WASF2: variants seen among roughly 807,000 people sequenced by gnomAD.
The protein encoded by WASF2 is actin-binding protein WASF2.
A neutral mutation model predicts 45.0 loss-of-function variants in WASF2; 14 were observed. The observed-to-expected ratio is 0.31, with a 90% CI of 0.21 to 0.49. The LOEUF is 0.49. WASF2 is among the 20% of genes least tolerant of loss of function. The pLI, the probability that WASF2 is intolerant of heterozygous loss-of-function variation, is 0.99. For missense variants in WASF2, 439 were observed against 636.1 expected, an observed-to-expected ratio of 0.69 and a Z score of 3.33; for synonymous variants, 200 against 236.3, an observed-to-expected ratio of 0.85 and a Z score of 1.41.
intron 1 of WASF2, among the ~76,000 whole-genome samples, chr1:27,466,118 A>G (rs2017608229): frequency 6.6e-6 from 1 of 152,240 alleles, no homozygotes; most frequent in African/African-American, 2.4e-5. Flanking sequence ...ATTATTTTGA[A>G]AACTAGTAAA....
At chr1:27,446,640 G>T (rs1454125037) in intron 1 of WASF2, among the ~76,000 whole-genome samples, 1 of 152,034 alleles carries the variant, frequency 6.6e-6, no homozygotes, top group Non-Finnish European at 1.5e-5. Context: ...AATTAGCCAG[G>T]CGTGGTGGTG....
At chr1:27,435,222 G>A (rs1174037105) in intron 1 of WASF2, among the ~76,000 whole-genome samples, 4 of 152,020 alleles carry the variant, frequency 2.6e-5, no homozygotes, top group South Asian at 2.1e-4. Flanking sequence ...TTGGGATTAC[G>A]GGCGTGAGCC....
At chr1:27,471,584 C>T (rs1288337681) in intron 1 of WASF2, among the ~76,000 whole-genome samples, 2 of 152,010 alleles carry the variant, frequency 1.3e-5, no homozygotes, top group African/African-American at 2.4e-5. Context: ...GCCGAGATGG[C>T]GCCACTGTAC....
intron 2 of WASF2, among the ~76,000 whole-genome samples, chr1:27,424,551 A>G (rs2016951258): frequency 6.6e-6 from 1 of 150,664 alleles, no homozygotes; most frequent in Non-Finnish European, 1.5e-5. Context: ...TTGGTTGCCC[A>G]GGCTGGAGTG....
intron 1 of WASF2, among the ~76,000 whole-genome samples, chr1:27,454,159 A>G (rs1180663245): frequency 6.5e-5 from 6 of 92,450 alleles, no homozygotes; most frequent in African/African-American, 9.5e-5. Context: ...GTGTGTATAT[A>G]TATATATATA....
chr1:27,442,745 A>G (rs2504775), intron 1 of WASF2, among the ~76,000 whole-genome samples: 137,379 of 151,744 alleles, frequency 0.91, 62,263 homozygotes, highest in East Asian at 1. Flanking sequence ...GCTCATACCC[A>G]TAATCCCAGC....
chr1:27,445,884 C>T (rs1440553940), intron 1 of WASF2, among the ~76,000 whole-genome samples: 1 of 149,426 alleles, frequency 6.7e-6, no homozygotes, highest in Non-Finnish European at 1.5e-5. Flanking sequence ...TCTTCTTTTA[C>T]AATGAACTAA....
chr1:27,412,477 C>T, intron 7 of WASF2, 95 bp downstream of exon 7: 2 of 1,527,940 alleles, frequency 1.3e-6, no homozygotes, highest in South Asian at 1.2e-5. Context: ...TCCCAAAGAG[C>T]TGGGATTACA....
chr1:27,480,648 G>C (rs1425756038), intron 1 of WASF2, among the ~76,000 whole-genome samples: 2 of 152,194 alleles, frequency 1.3e-5, no homozygotes, highest in African/African-American at 2.4e-5. Flanking sequence ...GAGAGTAAAT[G>C]AACTGCTCTT....
chr1:27,454,929 ATGTTTTTGTACATGTC>A (rs1446186460), intron 1 of WASF2, among the ~76,000 whole-genome samples: 43 of 152,046 alleles, frequency 2.8e-4, no homozygotes, highest in South Asian at 1.2e-3. Context: ...GTTGCTATGG[ATGTTTTTGTACATGTC>A]TCCTGGTCCA....
chr1:27,457,589 C>T lies in WASF2; in HGVS notation c.-43-28656G>A, dbSNP rs186043681. Among the ~76,000 whole-genome samples the T allele has an allele frequency of 3.0e-3, 451 of 149,790 alleles. 22 individuals carry two copies. Among genetic ancestry groups the T allele is most frequent in the Admixed American group, 0.03 (449 of 15,038 alleles). On this transcript the variant is annotated intron_variant, in intron 1 of 8. Coordinates refer to ENST00000618852, the MANE Select transcript of WASF2 (RefSeq NM_006990.5). The stretch of plus-strand genomic sequence containing the variant: ...GAATAATGGCAGAGTATAATCCAGA[C>T]ATAAAGATCTGGGATTCAACAATAT...
At chr1:27,443,831 T>G (rs1571142026) in intron 1 of WASF2, among the ~76,000 whole-genome samples, 1 of 151,160 alleles carries the variant, frequency 6.6e-6, no homozygotes, top group South Asian at 2.1e-4. Context: ...CCGGCTGGAG[T>G]GCAGGGGGGG....
intron 8 of WASF2, 90 bp downstream of exon 8, chr1:27,409,602 C>G: frequency 1.5e-6 from 2 of 1,368,956 alleles, no homozygotes; most frequent in Middle Eastern, 3.9e-4. Flanking sequence ...CTGGGAAGGG[C>G]ACAGGGACCC....
Position 27,410,259 on chromosome 1 carries a change from T to C in WASF2, c.825-53A>G. ...CCATCACCCTTAGAATGCAGACACC[T>C]ATCTACAGTTAGCCTTGTCTACAGA... On this transcript the variant is annotated intron_variant, in intron 7 of 8. Transcript: ENST00000618852. The surrounding 1 kb of genome is among the most constrained non-coding windows in gnomAD (Gnocchi z 4.2). 6.2e-7 allele frequency: 1 copy of C among 1,602,408 alleles called. No homozygotes were observed. Among genetic ancestry groups the C allele is most frequent in the Non-Finnish European group, 8.5e-7 (1 of 1,172,504 alleles).
chr1:27,431,308 C>T (rs1013273167), intron 1 of WASF2, among the ~76,000 whole-genome samples: 1 of 152,184 alleles, frequency 6.6e-6, no homozygotes, highest in Non-Finnish European at 1.5e-5. Context: ...TCCAATTTAA[C>T]TCTTTCCCTC....
chr1:27,428,742 G>A lies in WASF2; in HGVS notation c.130+19C>T. 1 of 1,614,114 alleles carries A rather than the reference G, an allele frequency of 6.2e-7. No homozygotes were observed. Among genetic ancestry groups the A allele is most frequent in the Non-Finnish European group, 8.5e-7 (1 of 1,180,000 alleles). On this transcript the variant is annotated intron_variant, in intron 2 of 8. Transcript: ENST00000618852. The stretch of plus-strand genomic sequence containing the variant: ...CAACGACCCCTGAGGGCAAAGCACA[G>A]GCTCTCTGAGGCACTCACTCAGGCT...
At chr1:27,430,635 C>T (rs769367559) in intron 1 of WASF2, among the ~76,000 whole-genome samples, 1 of 151,990 alleles carries the variant, frequency 6.6e-6, no homozygotes, top group East Asian at 1.9e-4. Flanking sequence ...TGAGCCACCA[C>T]GCCCAGCCTT....
At chr1:27,434,582 G>A (rs942877554) in intron 1 of WASF2, among the ~76,000 whole-genome samples, 1 of 152,146 alleles carries the variant, frequency 6.6e-6, no homozygotes, top group African/African-American at 2.4e-5. Context: ...GATCTAGAAT[G>A]GCCCAAAGGA....
chr1:27,421,976 A>C (rs1305967443), intron 2 of WASF2, among the ~76,000 whole-genome samples: 1 of 151,940 alleles, frequency 6.6e-6, no homozygotes, highest in Non-Finnish European at 1.5e-5. Context: ...ATAATAAATA[A>C]AATGAAATAA....
Sources: allele counts gnomAD v4.1 joint callset (sites outside exome capture counted in the v4.1 genomes callset), GRCh38; gene constraint gnomAD v4.1.1; non-coding constraint Gnocchi (gnomAD v3.1); transcripts MANE v1.5; gene names NCBI Gene and HGNC (gene_info 2026-07-23, HGNC 2026-07-21).